The following MYH14 variants were observed in gnomAD, a reference collection of about 807,000 sequenced individuals.
The protein encoded by MYH14 is myosin heavy chain 14.
Under a neutral mutation model 255.5 loss-of-function variants are expected in MYH14, and 123 were observed. The ratio of observed to expected loss-of-function variants is 0.48; its 90% CI spans 0.42 to 0.56. The LOEUF is 0.56. Ranked by LOEUF, MYH14 falls within the 20% of genes least tolerant of loss-of-function variation. The pLI, the probability that MYH14 is intolerant of heterozygous loss-of-function variation, is 0.00. For synonymous variants in MYH14, 1,095 were observed against 1,161.2 expected, an observed-to-expected ratio of 0.94 and a Z score of 1.16; for missense variants, 2,423 against 2,802.3, an observed-to-expected ratio of 0.86 and a Z score of 3.06.
At position 50,271,909 on chromosome 19, in the gene MYH14, G is replaced by A; in HGVS notation, c.3232G>A (p.Glu1078Lys). 2 of 1,613,128 alleles carry A rather than the reference G, an allele frequency of 1.2e-6. No individual in the cohort carries two copies. The highest frequency in any genetic ancestry group is 8.5e-7 in the Non-Finnish European group (1 of 1,179,666). The change falls in exon 26 of 43, where the codon GAG (glutamate) becomes AAG (lysine). Residue 1078 changes from glutamate to lysine, a missense_variant. By Grantham distance (56) the Glu-to-Lys change is moderately conservative. Coordinates refer to ENST00000642316, the MANE Select transcript of MYH14 (RefSeq NM_001145809.2). Reference sequence around the variant, plus strand: ...CTCATCCCAGGCAGCTGAGGAGGAGGAGAAGGTCAAGAGCCTCAATAAGCT... The same window carrying A: ...CTCATCCCAGGCAGCTGAGGAGGAGAAGAAGGTCAAGAGCCTCAATAAGCT... ...EFSSQAAEEE[E>K]KVKSLNKLRL...
At position 50,278,114 on chromosome 19, in the gene MYH14, C is replaced by T. The variant is rs747690351; in HGVS notation, c.3857C>T (p.Ala1286Val). The change falls in exon 30 of 43, where the codon GCC becomes GTC. Residue 1286 changes from alanine to valine, a missense_variant. This residue lies in a region of MYH14 where 1,513 missense variants were observed against 1,674.8 expected (regional missense o/e 0.90). Coordinates refer to ENST00000642316, the MANE Select transcript of MYH14 (RefSeq NM_001145809.2). ...GKGAWEKTRL[A>V]LEAEVSELRA... The stretch of plus-strand genomic sequence containing the variant: ...GGTGCATGGGAGAAGACCCGGCTGG[C>T]CCTGGAGGCCGAGGTGTCCGAGCTG... 1.3e-6 allele frequency: 2 copies of T among 1,597,432 alleles called. No homozygotes were observed. The highest frequency in any genetic ancestry group is 1.7e-6 in the Non-Finnish European group (2 of 1,167,838).
chr19:50,210,326 C>G, intron 1 of MYH14, 37 bp from the exon 2 acceptor site: 10 of 1,536,756 alleles, frequency 6.5e-6, no homozygotes, highest in Non-Finnish European at 8.8e-6. Flanking sequence ...GGGACGGAGC[C>G]CCATCTGACC....
chr19:50,291,105 C>A, intron 36 of MYH14, 57 bp downstream of exon 36: 3 of 1,570,594 alleles, frequency 1.9e-6, no homozygotes, highest in Non-Finnish European at 2.6e-6. Flanking sequence ...AAGCCCCAAC[C>A]ATCACTCCAG....
intron 2 of MYH14, among the ~76,000 whole-genome samples, chr19:50,214,439 T>A (rs2032363051): frequency 6.6e-6 from 1 of 152,050 alleles, no homozygotes; most frequent in Admixed American, 6.6e-5. Context: ...TGGCTTTGAG[T>A]TGCTAAGAGT....
chr19:50,301,946 A>G lies in MYH14; in HGVS notation c.5678+77A>G. ...GTGAGAGGAAGGAGGCTGTGTTACA[A>G]ACACGTGGTTTAGAAACATCCAAAA... On this transcript the variant is annotated intron_variant, in intron 40 of 42. Transcript: ENST00000642316. The G allele has an allele frequency of 5.0e-6, 6 of 1,209,202 alleles. No homozygotes were observed. In the South Asian group the frequency reaches 6.6e-5, roughly 13 times the overall value. 74.9% of individuals were successfully genotyped at this position (1,209,202 alleles called of 1,614,324 possible).
chr19:50,281,970 A>ACTAGTGGCCTGTAGTG, intron 33 of MYH14, 128 bp downstream of exon 33: 2 of 992,920 alleles, frequency 2.0e-6, no homozygotes, highest in Non-Finnish European at 3.0e-6. Flanking sequence ...CCAGGAAGCA[A>ACTAGTGGCCTGTAGTG]GACCCTTCTT....
chr19:50,290,816 C>A, intron 35 of MYH14, 71 bp from the exon 36 acceptor site: 1 of 1,473,938 alleles, frequency 6.8e-7, no homozygotes, highest in Non-Finnish European at 9.1e-7. Context: ...GGCAGACATC[C>A]ATGTCCCTAG....
intron 10 of MYH14, among the ~76,000 whole-genome samples, chr19:50,242,636 T>C (rs1205543446): frequency 6.6e-6 from 1 of 152,154 alleles, no homozygotes; most frequent in African/African-American, 2.4e-5. Flanking sequence ...AGCCAAACCA[T>C]ATCAATTTCG....
chr19:50,251,443 T>C, intron 15 of MYH14, among the ~76,000 whole-genome samples: 1 of 146,920 alleles, frequency 6.8e-6, no homozygotes, highest in East Asian at 2.0e-4. Context: ...AAGACATAAA[T>C]GAAGGTTCTA....
chr19:50,251,268 C>T (rs940033459), intron 15 of MYH14, among the ~76,000 whole-genome samples: 3 of 151,986 alleles, frequency 2.0e-5, no homozygotes, highest in Admixed American at 6.6e-5. Context: ...GTGGGCCAGA[C>T]GATCTCTGTC....
intron 22 of MYH14, 122 bp downstream of exon 22, chr19:50,263,542 G>C: frequency 1.8e-6 from 1 of 570,366 alleles, no homozygotes; most frequent in Non-Finnish European, 2.9e-6. Context: ...AATGGGGCCA[G>C]TCGGCCCAGG....
chr19:50,204,134 C>G (rs960606663), intron 1 of MYH14, among the ~76,000 whole-genome samples: 1 of 152,250 alleles, frequency 6.6e-6, no homozygotes. Flanking sequence ...TGTACTTGGA[C>G]GCTTTTATTT....
At chr19:50,226,824 G>A in intron 7 of MYH14, 79 bp from the exon 8 acceptor site, 1 of 1,368,550 alleles carries the variant, frequency 7.3e-7, no homozygotes, top group Non-Finnish European at 1.0e-6. Context: ...AGCAGTGGGT[G>A]TGGGGTTTGG....
chr19:50,301,543 C>G, intron 39 of MYH14, 118 bp from the exon 40 acceptor site: 1 of 690,470 alleles, frequency 1.4e-6, no homozygotes, highest in East Asian at 2.7e-5. Flanking sequence ...ATGTTTCAGG[C>G]TCTGTGCTAT....
intron 10 of MYH14, among the ~76,000 whole-genome samples, chr19:50,242,774 A>G (rs1366073749): frequency 6.6e-6 from 1 of 152,218 alleles, no homozygotes; most frequent in Non-Finnish European, 1.5e-5. Context: ...GGTCCTGCGT[A>G]GAATGGAGGA....
chr19:50,287,572 C>G (rs914261612), intron 34 of MYH14, among the ~76,000 whole-genome samples: 2 of 151,916 alleles, frequency 1.3e-5, no homozygotes, highest in East Asian at 3.9e-4. Flanking sequence ...TCCACCATAC[C>G]TGGCTGTTTT....
chr19:50,300,201 A>G (rs537001754), intron 39 of MYH14, among the ~76,000 whole-genome samples: 1 of 152,248 alleles, frequency 6.6e-6, no homozygotes, highest in East Asian at 1.9e-4. Context: ...TGCTACTGAC[A>G]GTGATGTCTG....
intron 2 of MYH14, among the ~76,000 whole-genome samples, chr19:50,214,017 G>A (rs1380373530): frequency 6.6e-6 from 1 of 152,098 alleles, no homozygotes; most frequent in Non-Finnish European, 1.5e-5. Flanking sequence ...TAGAGACAGT[G>A]TTTCACAATG....
chr19:50,300,764 A>T (rs2036452801), intron 39 of MYH14, among the ~76,000 whole-genome samples: 1 of 152,108 alleles, frequency 6.6e-6, no homozygotes, highest in African/African-American at 2.4e-5. Context: ...AAATAATAAA[A>T]TAAAATAAAA....
Sources: allele counts gnomAD v4.1 joint callset (sites outside exome capture counted in the v4.1 genomes callset), GRCh38; gene constraint gnomAD v4.1.1; regional missense constraint gnomAD v4.1.1; transcripts MANE v1.5; gene names NCBI Gene and HGNC (gene_info 2026-07-23, HGNC 2026-07-21).